HTATIP2: variants seen among roughly 807,000 people sequenced by gnomAD.
HTATIP2 encodes the protein HIV-1 Tat interactive protein 2.
HTATIP2 carries 26 observed loss-of-function variants against 24.7 expected under a neutral mutation model. That is an observed-to-expected ratio of 1.05 (90% CI 0.77 to 1.46). The LOEUF is 1.46. Among genes scored for constraint, HTATIP2 ranks in the 40% most tolerant of loss-of-function variants. HTATIP2 has a pLI of 0.00. For synonymous variants in HTATIP2, 99 were observed against 113.2 expected, an observed-to-expected ratio of 0.87 and a Z score of 0.79; for missense variants, 284 against 289.6, an observed-to-expected ratio of 0.98 and a Z score of 0.14.
At chr11:20,366,715 C>A (rs949332679) in intron 1 of HTATIP2, among the ~76,000 whole-genome samples, 7 of 152,090 alleles carry the variant, frequency 4.6e-5, no homozygotes, top group Middle Eastern at 3.4e-3. Context: ...AAGATTATCA[C>A]CCCCATTTTA....
intron 4 of HTATIP2, among the ~76,000 whole-genome samples, chr11:20,382,507 A>G (rs552188241): frequency 6.6e-5 from 10 of 152,296 alleles, no homozygotes; most frequent in Non-Finnish European, 1.2e-4. Context: ...CCTTACGTCT[A>G]CTGTATTAGT....
At chr11:20,369,486 A>G (rs999314163) in intron 2 of HTATIP2, among the ~76,000 whole-genome samples, 4 of 152,186 alleles carry the variant, frequency 2.6e-5, no homozygotes, top group African/African-American at 9.7e-5. Flanking sequence ...CCATAACCCA[A>G]GTAGCTTGAA....
intron 1 of HTATIP2, 142 bp from the exon 2 acceptor site, chr11:20,367,032 G>T: frequency 1.1e-6 from 1 of 930,354 alleles, no homozygotes; most frequent in Non-Finnish European, 1.6e-6. Context: ...CTTTTTGGTT[G>T]GAGAAAAGGA....
At chr11:20,382,326 T>C (rs888700027) in intron 4 of HTATIP2, 87 bp downstream of exon 4, 1 of 766,570 alleles carries the variant, frequency 1.3e-6, no homozygotes, top group Non-Finnish European at 2.2e-6. Context: ...GGCTGACAGC[T>C]GAAATATCTA....
Position 20,382,246 on chromosome 11 carries a change from A to G in HTATIP2, c.503+7A>G, listed in dbSNP as rs774439857. 1 of 1,491,148 alleles carries G rather than the reference A, an allele frequency of 6.7e-7. No individual in the cohort carries two copies. The allele number at this position is 1,491,148 out of a possible 1,614,324, so 92.4% of individuals were successfully genotyped here. On this transcript the variant is annotated splice_region_variant and intron_variant, in intron 4 of 4. Coordinates refer to ENST00000451739, the MANE Select transcript of HTATIP2 (RefSeq NM_001098522.2). ...ACTCTGTATTTAGGCCTGGGTAAGTATAATATTTATACTGAATGAGAGTAT... is the reference window on the plus strand; with the variant it reads ...ACTCTGTATTTAGGCCTGGGTAAGTGTAATATTTATACTGAATGAGAGTAT...
At chr11:20,369,081 A>G (rs1165904434) in intron 2 of HTATIP2, among the ~76,000 whole-genome samples, 6 of 152,120 alleles carry the variant, frequency 3.9e-5, no homozygotes, top group Admixed American at 3.9e-4. Flanking sequence ...TAAAAAAAAA[A>G]CTAATTTGGG....
chr11:20,383,206 C>A lies in HTATIP2; in HGVS notation c.*1C>A. ...AGCGCATGGCTCTCTCAAGCCATGACCACATTGGAGAAATGGTTTTTATTG... is the reference window on the plus strand; with the variant it reads ...AGCGCATGGCTCTCTCAAGCCATGAACACATTGGAGAAATGGTTTTTATTG... On this transcript the variant is annotated 3_prime_UTR_variant, in exon 5 of 5. Coordinates refer to ENST00000451739, the MANE Select transcript of HTATIP2 (RefSeq NM_001098522.2). 6.2e-7 allele frequency: 1 copy of A among 1,607,790 alleles called. No individual in the cohort carries two copies. The highest frequency in any genetic ancestry group is 2.2e-5 in the East Asian group (1 of 44,828).
chr11:20,369,175 G>A (rs112620042), intron 2 of HTATIP2, among the ~76,000 whole-genome samples: 1 of 152,200 alleles, frequency 6.6e-6, no homozygotes, highest in Non-Finnish European at 1.5e-5. Context: ...AGTAACGATA[G>A]TGTTTTAAGT....
chr11:20,378,042 T>C (rs935165667), intron 3 of HTATIP2, among the ~76,000 whole-genome samples: 4 of 152,156 alleles, frequency 2.6e-5, no homozygotes, highest in African/African-American at 7.2e-5. Context: ...CCGAACACTA[T>C]GTTTTTTTAA....
Position 20,364,326 on chromosome 11 carries a change from C to G in HTATIP2, c.89C>G (p.Thr30Ser). The change falls in exon 1 of 5, where the codon ACC (threonine) becomes AGC (serine). Residue 30 changes from threonine to serine, a missense_variant. Thr to Ser is a moderately conservative substitution (Grantham distance 58). Coordinates refer to ENST00000451739, the MANE Select transcript of HTATIP2 (RefSeq NM_001098522.2). ...TTTATTTTGGGCGCCAGCGGAGAAACCGGCAGAGTGCTCTTAAAGGAAATC... is the reference window on the plus strand; with the variant it reads ...TTTATTTTGGGCGCCAGCGGAGAAAGCGGCAGAGTGCTCTTAAAGGAAATC... Reference protein sequence around the residue: ...SVFILGASGETGRVLLKEILE... With the variant: ...SVFILGASGESGRVLLKEILE... 9 of 1,613,792 alleles carry G rather than the reference C, an allele frequency of 5.6e-6. No homozygotes were observed. Among genetic ancestry groups the G allele is most frequent in the Non-Finnish European group, 7.6e-6 (9 of 1,179,784 alleles).
At chr11:20,374,242 T>G (rs1342728887) in intron 2 of HTATIP2, among the ~76,000 whole-genome samples, 1 of 152,256 alleles carries the variant, frequency 6.6e-6, no homozygotes, top group Non-Finnish European at 1.5e-5. Context: ...TATGTTTACT[T>G]TTATGATACA....
At chr11:20,379,262 C>A (rs919698080) in intron 3 of HTATIP2, among the ~76,000 whole-genome samples, 39 of 152,186 alleles carry the variant, frequency 2.6e-4, no homozygotes, top group Non-Finnish European at 3.8e-4. Flanking sequence ...CGGAAAGACA[C>A]TTCTGATTTC....
intron 2 of HTATIP2, among the ~76,000 whole-genome samples, chr11:20,368,388 C>T (rs2064736280): frequency 6.6e-6 from 1 of 152,176 alleles, no homozygotes; most frequent in Non-Finnish European, 1.5e-5. Flanking sequence ...TGCTTTCAAT[C>T]AAGATGTATT....
At chr11:20,380,119 C>T (rs1335843118) in intron 3 of HTATIP2, among the ~76,000 whole-genome samples, 1 of 152,224 alleles carries the variant, frequency 6.6e-6, no homozygotes, top group African/African-American at 2.4e-5. Context: ...GTTACATAGG[C>T]ACATTGGCCT....
intron 2 of HTATIP2, among the ~76,000 whole-genome samples, chr11:20,368,989 G>A (rs1038644582): frequency 1.3e-5 from 2 of 152,142 alleles, no homozygotes; most frequent in African/African-American, 4.8e-5. Context: ...AATGAATTAG[G>A]ACTTAAATGA....
At chr11:20,375,093 C>A (rs1370843225) in intron 2 of HTATIP2, among the ~76,000 whole-genome samples, 1 of 152,094 alleles carries the variant, frequency 6.6e-6, no homozygotes, top group Non-Finnish European at 1.5e-5. Context: ...ACTCTGCTCT[C>A]GGCTCTCCCA....
intron 3 of HTATIP2, among the ~76,000 whole-genome samples, chr11:20,380,209 A>G (rs1848497703): frequency 1.3e-5 from 2 of 152,238 alleles, no homozygotes; most frequent in Admixed American, 1.3e-4. Context: ...TAGGCATAGT[A>G]CATGACCCTT....
chr11:20,372,866 C>A (rs1440101807), intron 2 of HTATIP2, among the ~76,000 whole-genome samples: 1 of 152,084 alleles, frequency 6.6e-6, no homozygotes, highest in Non-Finnish European at 1.5e-5. Context: ...GTGTGTGATA[C>A]CTCCTAGTCA....
At chr11:20,368,217 A>G (rs2064733984) in intron 2 of HTATIP2, among the ~76,000 whole-genome samples, 1 of 151,904 alleles carries the variant, frequency 6.6e-6, no homozygotes, top group South Asian at 2.1e-4. Flanking sequence ...TATGACTATG[A>G]CTCTGCCATG....
Sources: allele counts gnomAD v4.1 joint callset (sites outside exome capture counted in the v4.1 genomes callset), GRCh38; gene constraint gnomAD v4.1.1; transcripts MANE v1.5; gene names NCBI Gene and HGNC (gene_info 2026-07-23, HGNC 2026-07-21).